Variants in SCGB2B2 observed in about 807,000 individuals in gnomAD.
SCGB2B2 encodes the protein secretoglobin family 2B member 2.
SCGB2B2 carries 11 observed loss-of-function variants against 7.6 expected under a neutral mutation model. The ratio of observed to expected loss-of-function variants is 1.45; its 90% CI spans 0.91 to 2.40. SCGB2B2 has a LOEUF of 2.40. SCGB2B2 is among the 30% of genes most tolerant of loss of function. SCGB2B2 has a pLI of 0.00. For missense variants in SCGB2B2, 104 were observed against 115.4 expected (o/e 0.90, Z 0.45); for synonymous variants, 50 against 48.6 (o/e 1.03, Z -0.12).
chr19:34,655,728 G>A (rs1469686879), intron 1 of SCGB2B2, among the ~76,000 whole-genome samples: 2 of 151,292 alleles, frequency 1.3e-5, no homozygotes, highest in Non-Finnish European at 2.9e-5. Context: ...TGGCTGTGCT[G>A]TGAGCAAAGT....
chr19:34,626,386 G>C (rs769352533), intron 1 of SCGB2B2, among the ~76,000 whole-genome samples: 14 of 152,172 alleles, frequency 9.2e-5, no homozygotes, highest in Non-Finnish European at 2.1e-4. Flanking sequence ...TGGCTAACTA[G>C]AATAATCAAT....
At chr19:34,608,823 CTT>C (rs1234142612) in intron 1 of SCGB2B2, 1 of 145,422 alleles carries the variant, frequency 6.9e-6, no homozygotes, top group Non-Finnish European at 1.6e-5. Context: ...AATTTTCTTT[CTT>C]TTTTTCTTGG....
chr19:34,625,325 A>T (rs372011049), intron 1 of SCGB2B2, among the ~76,000 whole-genome samples: 1 of 152,218 alleles, frequency 6.6e-6, no homozygotes, highest in African/African-American at 2.4e-5. Flanking sequence ...GCGAGGCATC[A>T]TCTCATCCGG....
intron 1 of SCGB2B2, among the ~76,000 whole-genome samples, chr19:34,639,676 C>A (rs1333446732): frequency 6.6e-6 from 1 of 152,152 alleles, no homozygotes; most frequent in Non-Finnish European, 1.5e-5. Context: ...GCTCAAACAC[C>A]ACCAGGAGGC....
chr19:34,669,714 T>TACACACACACACACACACACACAC (rs1555750462), intron 1 of SCGB2B2, among the ~76,000 whole-genome samples: 16,339 of 139,350 alleles, frequency 0.12, 1,171 homozygotes, highest in South Asian at 0.17. Flanking sequence ...TGCCCCCACT[T>TACACACACACACACACACACACAC]ACACACACAC....
downstream of SCGB2B2, among the ~76,000 whole-genome samples, chr19:34,587,312 T>A (rs2065206120): frequency 6.6e-6 from 1 of 152,204 alleles, no homozygotes; most frequent in Non-Finnish European, 1.5e-5. Context: ...TACACTTTCT[T>A]GATTTCTTTC....
chr19:34,621,436 A>C (rs1600052184), intron 1 of SCGB2B2, among the ~76,000 whole-genome samples: 1 of 151,796 alleles, frequency 6.6e-6, no homozygotes, highest in East Asian at 1.9e-4. Context: ...ACAAAATGGA[A>C]TCCTTGGCAT....
At chr19:34,645,610 T>C (rs1281899683) in intron 1 of SCGB2B2, 3 of 296,410 alleles carry the variant, frequency 1.0e-5, no homozygotes, top group Non-Finnish European at 2.1e-5. Flanking sequence ...CACATAAAGC[T>C]CATCCATGGC....
At chr19:34,642,564 A>G (rs1313052757) in intron 1 of SCGB2B2, among the ~76,000 whole-genome samples, 1 of 151,746 alleles carries the variant, frequency 6.6e-6, no homozygotes, top group East Asian at 1.9e-4. Flanking sequence ...AAATACAAAA[A>G]AATTAGCCGG....
At chr19:34,638,220 G>C (rs535507553) in intron 1 of SCGB2B2, 1 of 152,296 alleles carries the variant, frequency 6.6e-6, no homozygotes, top group African/African-American at 2.4e-5. Flanking sequence ...AGCTGAGGTG[G>C]GCAGATCACT....
intron 1 of SCGB2B2, among the ~76,000 whole-genome samples, chr19:34,610,149 T>C (rs2065889120): frequency 6.6e-6 from 1 of 152,128 alleles, no homozygotes; most frequent in Non-Finnish European, 1.5e-5. Flanking sequence ...GATTTTTGTA[T>C]GTCGATTTTG....
intron 1 of SCGB2B2, among the ~76,000 whole-genome samples, chr19:34,613,572 G>C (rs187134195): frequency 4.7e-4 from 72 of 152,232 alleles, no homozygotes; most frequent in African/African-American, 1.7e-3. Context: ...ATATTCTTGT[G>C]ATTTTGTTAA....
intron 1 of SCGB2B2, among the ~76,000 whole-genome samples, chr19:34,601,510 A>G (rs1326966351): frequency 6.6e-6 from 1 of 152,156 alleles, no homozygotes; most frequent in African/African-American, 2.4e-5. Context: ...TTTTCTCTCA[A>G]TAATTTTTAC....
At chr19:34,593,722 C>T in intron 3 of SCGB2B2, 123 bp from the exon 4 acceptor site, 2 of 738,854 alleles carry the variant, frequency 2.7e-6, no homozygotes, top group Non-Finnish European at 2.3e-6. Flanking sequence ...GTTGGGGATC[C>T]CAGGCTCTGG....
intron 1 of SCGB2B2, among the ~76,000 whole-genome samples, chr19:34,672,560 G>C (rs2067829299): frequency 6.6e-6 from 1 of 151,886 alleles, no homozygotes; most frequent in Non-Finnish European, 1.5e-5. Flanking sequence ...GAGATTCCTG[G>C]GTATCCATCT....
chr19:34,613,515 T>TG (rs1405210935), intron 1 of SCGB2B2, among the ~76,000 whole-genome samples: 1 of 152,230 alleles, frequency 6.6e-6, no homozygotes, highest in Non-Finnish European at 1.5e-5. Flanking sequence ...ATCTTTTAAG[T>TG]GGGGAATTTA....
At chr19:34,601,943 T>G (rs1032962435) in intron 1 of SCGB2B2, among the ~76,000 whole-genome samples, 2 of 152,064 alleles carry the variant, frequency 1.3e-5, no homozygotes. Flanking sequence ...TAATAATTTT[T>G]AAATTTTGGC....
intron 1 of SCGB2B2, among the ~76,000 whole-genome samples, chr19:34,618,192 C>T (rs1232493515): frequency 1.3e-5 from 2 of 152,154 alleles, no homozygotes; most frequent in Non-Finnish European, 2.9e-5. Flanking sequence ...GATTTATAGC[C>T]CTTTGGATTT....
intron 1 of SCGB2B2, chr19:34,645,647 C>T (rs1380735814): frequency 8.7e-6 from 3 of 346,158 alleles, no homozygotes; most frequent in African/African-American, 2.2e-5. Context: ...CCTGCTGGGA[C>T]CAGACTCCAC....
Sources: allele counts gnomAD v4.1 joint callset (sites outside exome capture counted in the v4.1 genomes callset), GRCh38; gene constraint gnomAD v4.1.1; transcripts MANE v1.5; gene names NCBI Gene and HGNC (gene_info 2026-07-23, HGNC 2026-07-21).